PCSK2: variants seen among roughly 807,000 people sequenced by gnomAD.
PCSK2 encodes proprotein convertase subtilisin/kexin type 2.
PCSK2 carries 14 observed loss-of-function variants against 69.7 expected under a neutral mutation model. That is an observed-to-expected ratio of 0.20 (90% CI 0.13 to 0.31). PCSK2 has a LOEUF of 0.31. Among genes scored for constraint, PCSK2 ranks in the 10% least tolerant of loss-of-function variants. The probability of loss-of-function intolerance (pLI) is 1.00; values close to 1 mark genes in which losing one functional copy is unlikely to be tolerated. For synonymous variants in PCSK2, 307 were observed against 320.7 expected, an observed-to-expected ratio of 0.96 and a Z score of 0.46; for missense variants, 544 against 842.5, an observed-to-expected ratio of 0.65 and a Z score of 4.39.
Position 17,337,267 on chromosome 20 carries a change from G to T in PCSK2, c.283-21060G>T, listed in dbSNP as rs1050380520. 2.0e-5 allele frequency among the ~76,000 whole-genome samples: 3 copies of T among 152,294 alleles called. No individual in the cohort carries two copies. The South Asian group carries it at 6.2e-4, about 32-fold the overall frequency. On this transcript the variant is annotated intron_variant, in intron 2 of 11. Coordinates refer to ENST00000262545, the MANE Select transcript of PCSK2 (RefSeq NM_002594.5). ...CAACAAAGGAGAATCCCCAGAGAGT[G>T]ACACTTTTTCATGATTTTGTCAGAT... is the stretch of plus-strand genomic sequence containing the variant.
intron 2 of PCSK2, among the ~76,000 whole-genome samples, chr20:17,264,538 G>A (rs1027589571): frequency 1.1e-4 from 16 of 152,140 alleles, no homozygotes; most frequent in African/African-American, 3.9e-4. Context: ...CACACGTTCT[G>A]GTAGTGATCT....
chr20:17,398,568 C>A (rs1173808531), intron 5 of PCSK2, among the ~76,000 whole-genome samples: 1 of 147,354 alleles, frequency 6.8e-6, no homozygotes, highest in East Asian at 2.0e-4. Flanking sequence ...TCAGTCTGGG[C>A]TGGGGCCTGA....
chr20:17,358,803 CAG>C (rs1180959024), intron 3 of PCSK2, among the ~76,000 whole-genome samples: 3 of 152,130 alleles, frequency 2.0e-5, no homozygotes, highest in African/African-American at 7.2e-5. Flanking sequence ...GACAGAGTAA[CAG>C]GGGACATAAT....
intron 11 of PCSK2, among the ~76,000 whole-genome samples, chr20:17,480,574 T>C (rs1028821859): frequency 1.3e-5 from 2 of 152,154 alleles, no homozygotes; most frequent in African/African-American, 4.8e-5. Context: ...AGAAAGACAT[T>C]ATGAGTTCCT....
At chr20:17,330,481 C>T (rs1216257899) in intron 2 of PCSK2, among the ~76,000 whole-genome samples, 1 of 152,026 alleles carries the variant, frequency 6.6e-6, no homozygotes, top group Non-Finnish European at 1.5e-5. Context: ...TTAATCCCAG[C>T]TACTCAGGAG....
At chr20:17,307,530 C>G (rs1304246585) in intron 2 of PCSK2, among the ~76,000 whole-genome samples, 1 of 152,188 alleles carries the variant, frequency 6.6e-6, no homozygotes, top group Non-Finnish European at 1.5e-5. Context: ...GCCATAGGAT[C>G]TCTCCTAGTA....
At chr20:17,344,929 T>G (rs1390704162) in intron 2 of PCSK2, among the ~76,000 whole-genome samples, 1 of 129,772 alleles carries the variant, frequency 7.7e-6, no homozygotes, top group Non-Finnish European at 1.6e-5. Context: ...AAATTACCTT[T>G]TCCATAAACT....
At chr20:17,265,880 G>A (rs1172719502) in intron 2 of PCSK2, among the ~76,000 whole-genome samples, 1 of 152,198 alleles carries the variant, frequency 6.6e-6, no homozygotes, top group East Asian at 1.9e-4. Flanking sequence ...CCCAGAGAGA[G>A]AGAAGGTGAC....
intron 6 of PCSK2, among the ~76,000 whole-genome samples, chr20:17,427,432 C>A (rs2032271428): frequency 1.3e-5 from 2 of 152,116 alleles, no homozygotes; most frequent in African/African-American, 4.8e-5. Context: ...TTTGGACACC[C>A]CAGCAGCCCC....
At chr20:17,428,142 G>A (rs944496465) in intron 6 of PCSK2, among the ~76,000 whole-genome samples, 4 of 152,094 alleles carry the variant, frequency 2.6e-5, no homozygotes, top group African/African-American at 7.2e-5. Context: ...CCCGCTTAAG[G>A]GCCAAAATTA....
chr20:17,478,918 A>G (rs1253205313), intron 11 of PCSK2, among the ~76,000 whole-genome samples: 1 of 152,240 alleles, frequency 6.6e-6, no homozygotes, highest in African/African-American at 2.4e-5. Context: ...AATATGAGAT[A>G]ATCTGCCAAT....
intron 2 of PCSK2, among the ~76,000 whole-genome samples, chr20:17,283,003 C>A (rs141008011): frequency 4.6e-4 from 70 of 152,226 alleles, no homozygotes; most frequent in African/African-American, 1.6e-3. Flanking sequence ...GGGAGTTAGG[C>A]TTAAGAGTGG....
intron 7 of PCSK2, among the ~76,000 whole-genome samples, chr20:17,433,697 G>T (rs2032414657): frequency 6.6e-6 from 1 of 151,860 alleles, no homozygotes; most frequent in Non-Finnish European, 1.5e-5. Flanking sequence ...AGAAACACTT[G>T]ATGTGTGCCT....
At chr20:17,353,892 C>A (rs73253659) in intron 2 of PCSK2, among the ~76,000 whole-genome samples, 3 of 152,230 alleles carry the variant, frequency 2.0e-5, no homozygotes, top group Non-Finnish European at 4.4e-5. Context: ...CAAATTAACA[C>A]CTGAACAGAA....
At chr20:17,414,987 C>G (rs931233052) in intron 6 of PCSK2, among the ~76,000 whole-genome samples, 16 of 152,140 alleles carry the variant, frequency 1.1e-4, no homozygotes, top group African/African-American at 3.9e-4. Context: ...ATTCAACAGC[C>G]CTTCATGCTA....
At position 17,483,367 on chromosome 20, in the gene PCSK2, A is replaced by C. The variant is rs2033444259; in HGVS notation, c.*1297A>C. 1 of 152,234 alleles carries C rather than the reference A, an allele frequency of 6.6e-6. No homozygotes were observed. Among genetic ancestry groups the C allele is most frequent in the African/African-American group, 2.4e-5 (1 of 41,448 alleles). The allele number at this position is 152,234 out of a possible 1,614,324, so 9.4% of individuals were successfully genotyped here. A position where few individuals can be genotyped will look rare whatever the true frequency, so the allele number is the denominator to read the frequency against. ...AACTAAGCAGTCCCTGAGACCATTT[A>C]ACATGCAACCCGAAGGTTATGGTCA... On this transcript the variant is annotated 3_prime_UTR_variant, in exon 12 of 12. Transcript: ENST00000262545.
At chr20:17,416,645 C>A (rs958217381) in intron 6 of PCSK2, among the ~76,000 whole-genome samples, 1 of 152,210 alleles carries the variant, frequency 6.6e-6, no homozygotes, top group Non-Finnish European at 1.5e-5. Flanking sequence ...CTAGAAATAT[C>A]ATTTGACCCA....
Position 17,279,342 on chromosome 20 carries a change from A to G in PCSK2, c.282+18998A>G, listed in dbSNP as rs144664940. Among the ~76,000 whole-genome samples the G allele has an allele frequency of 4.6e-5, 7 of 152,300 alleles. No homozygotes were observed. In the Middle Eastern group the frequency reaches 0.017, roughly 370 times the overall value. ...ATGGTGCCATTGGGAGGTCAAGATC[A>G]TTCTAATTCCTGTTTCCTGGTATTC... On this transcript the variant is annotated intron_variant, in intron 2 of 11. Coordinates refer to ENST00000262545, the MANE Select transcript of PCSK2 (RefSeq NM_002594.5).
At chr20:17,346,775 A>G (rs17703396) in intron 2 of PCSK2, among the ~76,000 whole-genome samples, 33,306 of 151,928 alleles carry the variant, frequency 0.22, 4,483 homozygotes, top group South Asian at 0.41. Flanking sequence ...CCTTAATATA[A>G]TTTCCTAAAT....
Sources: gnomAD v4.1 joint callset for allele counts (sites outside exome capture counted in the v4.1 genomes callset) on GRCh38, gnomAD v4.1.1 for gene constraint, MANE v1.5 for transcripts, NCBI Gene and HGNC (gene_info 2026-07-23, HGNC 2026-07-21) for gene names.